The following RTN4RL1 variants were observed in gnomAD, a reference collection of about 807,000 sequenced individuals.
The protein encoded by RTN4RL1 is reticulon-4 receptor-like 1.
In RTN4RL1, 7 loss-of-function variants were observed where a neutral mutation model predicts 25.6. That is an observed-to-expected ratio of 0.27 (90% CI 0.16 to 0.51). RTN4RL1 has a LOEUF of 0.51. Among genes scored for constraint, RTN4RL1 ranks in the 20% least tolerant of loss-of-function variants. RTN4RL1 has a pLI of 0.97. For synonymous variants in RTN4RL1, 297 were observed against 288.2 expected (o/e 1.03, Z -0.31); for missense variants, 500 against 615.6 (o/e 0.81, Z 1.99).
At chr17:2,023,198 CG>C (rs2067231844) in intron 1 of RTN4RL1, among the ~76,000 whole-genome samples, 1 of 152,172 alleles carries the variant, frequency 6.6e-6, no homozygotes, top group African/African-American at 2.4e-5. Context: ...CCTTCTCGAC[CG>C]GGGCAAGTTT....
Position 1,935,709 on chromosome 17 carries a change from G to GTATATA in RTN4RL1, c.*786_*787insTATATA, listed in dbSNP as rs1331113473. 5.0e-6 allele frequency: 1 copy of GTATATA among 199,206 alleles called. No individual in the cohort carries two copies. Among genetic ancestry groups the GTATATA allele is most frequent in the African/African-American group, 3.7e-5 (1 of 27,186 alleles). The allele number at this position is 199,206 out of a possible 1,614,324, so 12.3% of individuals were successfully genotyped here. On this transcript the variant is annotated 3_prime_UTR_variant, in exon 2 of 2. Transcript: ENST00000331238. ...GGAGTGGGAGGGGGACTGTGCATTT[G>GTATATA]TGTATATATATATATATATATATAT...
chr17:2,015,232 GGGCTGGGGGT>G (rs2067104997), intron 1 of RTN4RL1, among the ~76,000 whole-genome samples: 1 of 152,162 alleles, frequency 6.6e-6, no homozygotes, highest in African/African-American at 2.4e-5. Context: ...GTCAGCTCTT[GGGCTGGGGGT>G]GGCTGGAGAG....
intron 1 of RTN4RL1, among the ~76,000 whole-genome samples, chr17:1,965,114 C>CTTTT (rs538870581): frequency 1.5e-3 from 210 of 137,768 alleles, no homozygotes; most frequent in African/African-American, 4.6e-3. Context: ...TTCTTTCTTT[C>CTTTT]TTTTTTTTTT....
intron 1 of RTN4RL1, among the ~76,000 whole-genome samples, chr17:1,961,802 G>A (rs144814641): frequency 0.3 from 26,900 of 89,840 alleles, 3,851 homozygotes; most frequent in Middle Eastern, 0.39. Context: ...AAAAAAATTA[G>A]CAGGGCGTGG....
At chr17:1,947,426 C>T (rs1417557573) in intron 1 of RTN4RL1, among the ~76,000 whole-genome samples, 2 of 152,146 alleles carry the variant, frequency 1.3e-5, no homozygotes, top group African/African-American at 4.8e-5. Context: ...GGAGCGGGGC[C>T]CTGTTCTGGG....
At chr17:1,991,472 A>AAAAAACAAAC (rs1567518488) in intron 1 of RTN4RL1, among the ~76,000 whole-genome samples, 1 of 149,584 alleles carries the variant, frequency 6.7e-6, no homozygotes, top group African/African-American at 2.5e-5. Flanking sequence ...AACAAAAAAA[A>AAAAAACAAAC]ACTTCAAAGA....
In RTN4RL1 at chr17:1,937,685, G is replaced by A. The variant is rs758542113; in HGVS notation, c.137C>T (p.Ala46Val). ...MTVSCQAHNF[A>V]AIPEGIPVDS... ...CACGGGGATGCCCTCCGGGATGGCT[G>A]CAAAGTTGTGCGCCTGGCAGCTGAC... The change falls in exon 2 of 2, where the codon GCA (alanine) becomes GTA (valine). Residue 46 changes from alanine to valine, a missense_variant. Coordinates refer to ENST00000331238, the MANE Select transcript of RTN4RL1 (RefSeq NM_178568.4). 2.5e-6 allele frequency: 4 copies of A among 1,613,422 alleles called. No individual in the cohort carries two copies. The East Asian group carries it at 6.7e-5, about 27-fold the overall frequency.
chr17:2,019,374 G>A (rs866989968), intron 1 of RTN4RL1: 4 of 152,250 alleles, frequency 2.6e-5, no homozygotes, highest in African/African-American at 9.7e-5. Flanking sequence ...GATGGTACCA[G>A]GCAGTTCTGC....
chr17:1,987,858 C>T (rs901638645), intron 1 of RTN4RL1, among the ~76,000 whole-genome samples: 5 of 152,164 alleles, frequency 3.3e-5, no homozygotes, highest in African/African-American at 1.2e-4. Context: ...GTAATCCCAG[C>T]ACTTTGGGAG....
At chr17:1,966,183 C>T (rs556045628) in intron 1 of RTN4RL1, among the ~76,000 whole-genome samples, 6 of 152,288 alleles carry the variant, frequency 3.9e-5, no homozygotes, top group Admixed American at 1.3e-4. Context: ...TCCAACTCGA[C>T]GTGGTACAGT....
intron 1 of RTN4RL1, among the ~76,000 whole-genome samples, chr17:1,961,065 G>C (rs1401441902): frequency 6.6e-6 from 1 of 152,126 alleles, no homozygotes; most frequent in African/African-American, 2.4e-5. Flanking sequence ...CTTTCCCCTT[G>C]TCGCTCCCTG....
At position 2,008,282 on chromosome 17, in the gene RTN4RL1, A is replaced by C. The variant is rs568395708; in HGVS notation, c.13+16571T>G. On this transcript the variant is annotated intron_variant, in intron 1 of 1. Transcript: ENST00000331238. ...TAGACTCCATCTCAAAAAAAAAAAAAAGACCACCCCAAACTGAGGCTTAGA... is the reference window on the plus strand; with the variant it reads ...TAGACTCCATCTCAAAAAAAAAAAACAGACCACCCCAAACTGAGGCTTAGA... Among the ~76,000 whole-genome samples, 199 of 152,170 alleles carry C rather than the reference A, an allele frequency of 1.3e-3. 1 individual carries two copies. Among genetic ancestry groups the C allele is most frequent in the African/African-American group, 4.6e-3 (191 of 41,518 alleles).
intron 1 of RTN4RL1, among the ~76,000 whole-genome samples, chr17:1,997,834 G>A (rs561156265): frequency 2.0e-5 from 3 of 152,158 alleles, no homozygotes; most frequent in East Asian, 1.9e-4. Context: ...CCTCCTACTC[G>A]GGCCTGCATC....
intron 1 of RTN4RL1, among the ~76,000 whole-genome samples, chr17:2,021,551 CTT>C (rs767770637): frequency 5.7e-5 from 6 of 106,182 alleles, no homozygotes; most frequent in Non-Finnish European, 7.3e-5. Context: ...CATCCTATAC[CTT>C]TTTTTTTTTT....
At chr17:1,977,839 C>T (rs1215041185) in intron 1 of RTN4RL1, among the ~76,000 whole-genome samples, 2 of 152,070 alleles carry the variant, frequency 1.3e-5, no homozygotes, top group Admixed American at 1.3e-4. Context: ...AACCAGCGGC[C>T]GCGGGCCGCC....
rs1423361685 is a variant in RTN4RL1 at position 1,998,931 on chromosome 17, C to G, written c.13+25922G>C. ...GAACAGACACAGGCCCTGCCCTCACCGAGGGTTCCAGTCGGCTGTGCACAA... is the reference window on the plus strand; with the variant it reads ...GAACAGACACAGGCCCTGCCCTCACGGAGGGTTCCAGTCGGCTGTGCACAA... On this transcript the variant is annotated intron_variant, in intron 1 of 1. Transcript: ENST00000331238. The surrounding 1 kb of genome is among the most constrained non-coding windows in gnomAD (Gnocchi z 4.9). Among the ~76,000 whole-genome samples, 1 of 152,154 alleles carries G rather than the reference C, an allele frequency of 6.6e-6. No homozygotes were observed. Among genetic ancestry groups the G allele is most frequent in the Admixed American group, 6.5e-5 (1 of 15,272 alleles).
intron 1 of RTN4RL1, among the ~76,000 whole-genome samples, chr17:1,986,310 A>G (rs575021915): frequency 6.6e-6 from 1 of 152,250 alleles, no homozygotes; most frequent in South Asian, 2.1e-4. Context: ...TACAGATGAC[A>G]AAACTGAGGT....
At chr17:1,974,041 A>AAG (rs2066832052) in intron 1 of RTN4RL1, among the ~76,000 whole-genome samples, 1 of 12,392 alleles carries the variant, frequency 8.1e-5, no homozygotes, top group Non-Finnish European at 1.5e-4. Context: ...TCCGTCTCAG[A>AAG]AAAAAAAAAA....
At chr17:2,009,637 C>A (rs1208648005) in intron 1 of RTN4RL1, among the ~76,000 whole-genome samples, 1 of 124,768 alleles carries the variant, frequency 8.0e-6, no homozygotes, top group African/African-American at 3.1e-5. Flanking sequence ...AATCTCTGAC[C>A]TTATACTCAA....
Sources: gnomAD v4.1 joint callset for allele counts (sites outside exome capture counted in the v4.1 genomes callset) on GRCh38, gnomAD v4.1.1 for gene constraint, Gnocchi (gnomAD v3.1) non-coding constraint, MANE v1.5 for transcripts, NCBI Gene and HGNC (gene_info 2026-07-23, HGNC 2026-07-21) for gene names.